The following DLGAP2 variants were observed in gnomAD, a reference collection of about 807,000 sequenced individuals.
DLGAP2 encodes DLG associated protein 2.
Under a neutral mutation model 100.3 loss-of-function variants are expected in DLGAP2, and 26 were observed. The observed-to-expected ratio is 0.26, with a 90% CI of 0.19 to 0.36. DLGAP2 has a LOEUF of 0.36. Among genes scored for constraint, DLGAP2 ranks in the 10% least tolerant of loss-of-function variants. The probability of loss-of-function intolerance (pLI) is 1.00; values close to 1 mark genes in which losing one functional copy is unlikely to be tolerated. For missense variants in DLGAP2, 1,858 were observed against 1,453.2 expected (o/e 1.28, Z -4.53); for synonymous variants, 886 against 630.1 (o/e 1.41, Z -6.08).
At position 985,136 on chromosome 8, in the gene DLGAP2, C is replaced by T. The variant is rs1800448799; in HGVS notation, c.73+77170C>T. Among the ~76,000 whole-genome samples the T allele has an allele frequency of 2.0e-5, 3 of 152,282 alleles. No individual in the cohort carries two copies. The South Asian group carries it at 6.2e-4, about 32-fold the overall frequency. On this transcript the variant is annotated intron_variant, in intron 2 of 14. Coordinates refer to ENST00000637795, the MANE Select transcript of DLGAP2 (RefSeq NM_001346810.2). ...TCATGCCAGAGATCTTCGGGTATTT[C>T]CAAGGTCCCTGGCTGAGCATGGTTG...
In DLGAP2 at chr8:1,112,237, A is replaced by ATTTTTTT. The variant is rs4044488; in HGVS notation, c.74-146599_74-146593dup. On this transcript the variant is annotated intron_variant, in intron 2 of 14. Coordinates refer to ENST00000637795, the MANE Select transcript of DLGAP2 (RefSeq NM_001346810.2). ...AAAAGTGTGTTCATGTCCTTTGCCC[A>ATTTTTTT]TTTTTTTTTTTTTTTTTTTTTGAGA... Among the ~76,000 whole-genome samples the ATTTTTTT allele has an allele frequency of 1.3e-4, 13 of 98,030 alleles. 2 individuals are homozygous for ATTTTTTT. The highest frequency in any genetic ancestry group is 1.5e-4 in the Non-Finnish European group (8 of 53,288). The allele number at this position is 98,030 out of a possible 152,430, so 64.3% of individuals were successfully genotyped here.
At chr8:1,582,203 ACAT>A (rs1803303104) in intron 6 of DLGAP2, among the ~76,000 whole-genome samples, 1 of 142,016 alleles carries the variant, frequency 7.0e-6, no homozygotes, top group Non-Finnish European at 1.5e-5. Context: ...ACCCCCACAC[ACAT>A]GTACACACCA....
chr8:1,152,061 T>C (rs1010070446), intron 2 of DLGAP2, among the ~76,000 whole-genome samples: 4 of 152,244 alleles, frequency 2.6e-5, no homozygotes, highest in Non-Finnish European at 4.4e-5. Flanking sequence ...ATGACAACTA[T>C]ATTCCATTTT....
intron 6 of DLGAP2, among the ~76,000 whole-genome samples, chr8:1,606,723 C>T (rs565697245): frequency 6.6e-6 from 1 of 152,280 alleles, no homozygotes; most frequent in African/African-American, 2.4e-5. Flanking sequence ...CACTCTGTTG[C>T]CCAGGCTGGA....
intron 6 of DLGAP2, among the ~76,000 whole-genome samples, chr8:1,591,690 G>A (rs1378569892): frequency 6.6e-6 from 1 of 152,118 alleles, no homozygotes; most frequent in Non-Finnish European, 1.5e-5. Flanking sequence ...CCAAAGGCAT[G>A]TGTGCAGCCA....
intron 6 of DLGAP2, among the ~76,000 whole-genome samples, chr8:1,601,466 C>T (rs112444667): frequency 0.023 from 3,535 of 152,326 alleles, 129 homozygotes; most frequent in African/African-American, 0.079. Context: ...GCTGAAGCTG[C>T]ACCCACAGCC....
Position 1,633,072 on chromosome 8 carries a change from C to G in DLGAP2, c.1810+26C>G, listed in dbSNP as rs144288689. Reference sequence around the variant, plus strand: ...GTAAGGGGACGCCATTTTCAGCCTTCCAGCGGGGACTCTAGAGGCATACCT... The same window carrying G: ...GTAAGGGGACGCCATTTTCAGCCTTGCAGCGGGGACTCTAGAGGCATACCT... On this transcript the variant is annotated intron_variant, in intron 8 of 14. Transcript: ENST00000637795. The G allele has an allele frequency of 1.2e-4, 193 of 1,612,428 alleles. No homozygotes were observed. The East Asian group carries it at 4.1e-3, about 34-fold the overall frequency.
At chr8:1,533,790 C>G (rs1316786813) in intron 4 of DLGAP2, among the ~76,000 whole-genome samples, 1 of 151,982 alleles carries the variant, frequency 6.6e-6, no homozygotes, top group South Asian at 2.1e-4. Flanking sequence ...GACCCTGTCT[C>G]TACAAAAAAA....
intron 2 of DLGAP2, among the ~76,000 whole-genome samples, chr8:1,243,485 T>G (rs987651733): frequency 6.6e-6 from 1 of 152,228 alleles, no homozygotes; most frequent in African/African-American, 2.4e-5. Context: ...TGTTCTGGAC[T>G]TGGCCATTGC....
chr8:1,247,125 G>A (rs879186864), intron 2 of DLGAP2: 3,749 of 96,464 alleles, frequency 0.039, 3 homozygotes, highest in African/African-American at 0.06. Flanking sequence ...GAGTGGGAGT[G>A]ATGGCCCACG....
chr8:1,410,929 C>G (rs1369301302), intron 3 of DLGAP2, among the ~76,000 whole-genome samples: 1 of 150,964 alleles, frequency 6.6e-6, no homozygotes, highest in Non-Finnish European at 1.5e-5. Flanking sequence ...CTTTACTTCT[C>G]TATTTAAGAG....
chr8:1,045,306 C>A (rs1195439278), intron 2 of DLGAP2, among the ~76,000 whole-genome samples: 4 of 152,206 alleles, frequency 2.6e-5, no homozygotes, highest in Admixed American at 2.6e-4. Flanking sequence ...ATATAAAGCA[C>A]TTCACACACA....
At chr8:999,565 A>T (rs1358742540) in intron 2 of DLGAP2, among the ~76,000 whole-genome samples, 2 of 148,458 alleles carry the variant, frequency 1.3e-5, no homozygotes, top group Non-Finnish European at 3.0e-5. Context: ...TGCAAACTCC[A>T]CCTTGTAGGC....
intron 2 of DLGAP2, among the ~76,000 whole-genome samples, chr8:958,855 G>A (rs1202516158): frequency 6.6e-6 from 1 of 152,200 alleles, no homozygotes; most frequent in Admixed American, 6.5e-5. Context: ...TGGGACAGGA[G>A]ACAGTTGCTC....
chr8:1,385,974 G>C (rs1321027570), intron 3 of DLGAP2, among the ~76,000 whole-genome samples: 1 of 152,268 alleles, frequency 6.6e-6, no homozygotes, highest in African/African-American at 2.4e-5. Context: ...TGGAATCAAT[G>C]AGATCTGAAG....
At chr8:1,349,311 G>T (rs1040128269) in intron 3 of DLGAP2, among the ~76,000 whole-genome samples, 32 of 150,100 alleles carry the variant, frequency 2.1e-4, no homozygotes, top group Middle Eastern at 3.2e-3. Flanking sequence ...TGAGCCTCCC[G>T]CCCACATCCA....
intron 2 of DLGAP2, among the ~76,000 whole-genome samples, chr8:1,005,961 C>T (rs184743296): frequency 4.3e-4 from 66 of 152,198 alleles, no homozygotes; most frequent in Admixed American, 9.2e-4. Flanking sequence ...TCTGCTGAGG[C>T]GGGCAAATCA....
chr8:1,435,513 C>T (rs1020421085), intron 3 of DLGAP2, among the ~76,000 whole-genome samples: 9 of 152,122 alleles, frequency 5.9e-5, no homozygotes, highest in African/African-American at 1.7e-4. Flanking sequence ...GTGCAGCCAC[C>T]GTACGGAAGT....
At chr8:803,484 A>T (rs747412334) in intron 1 of DLGAP2, among the ~76,000 whole-genome samples, 1 of 152,030 alleles carries the variant, frequency 6.6e-6, no homozygotes, top group Non-Finnish European at 1.5e-5. Context: ...GCTCCTGTCC[A>T]TGGGGAAATG....
Sources: allele counts gnomAD v4.1 joint callset (sites outside exome capture counted in the v4.1 genomes callset), GRCh38; gene constraint gnomAD v4.1.1; transcripts MANE v1.5; gene names NCBI Gene and HGNC (gene_info 2026-07-23, HGNC 2026-07-21).